SLC35D2: variants seen among roughly 807,000 people sequenced by gnomAD.
SLC35D2 encodes nucleotide sugar transporter SLC35D2.
Under a neutral mutation model 41.8 loss-of-function variants are expected in SLC35D2, and 43 were observed. That is an observed-to-expected ratio of 1.03 (90% CI 0.81 to 1.33). SLC35D2 has a LOEUF of 1.33. SLC35D2 is among the 40% of genes most tolerant of loss of function. The pLI is 0.00. For missense variants in SLC35D2, 380 were observed against 408.4 expected, an observed-to-expected ratio of 0.93 and a Z score of 0.60; for synonymous variants, 150 against 163.9, an observed-to-expected ratio of 0.92 and a Z score of 0.65.
At chr9:96,322,367 TA>T (rs895286575) in intron 10 of SLC35D2, among the ~76,000 whole-genome samples, 22 of 151,940 alleles carry the variant, frequency 1.4e-4, no homozygotes, top group African/African-American at 5.3e-4. Context: ...AAAAATTTTT[TA>T]AAAGTAGCCG....
At chr9:96,316,086 A>G (rs764226940), downstream of SLC35D2, among the ~76,000 whole-genome samples, 4 of 152,220 alleles carry the variant, frequency 2.6e-5, no homozygotes, top group Non-Finnish European at 4.4e-5. Flanking sequence ...ATTCAAATGG[A>G]AAGAAATGCT....
chr9:96,355,646 A>G (rs569391125), intron 4 of SLC35D2, among the ~76,000 whole-genome samples: 1 of 151,890 alleles, frequency 6.6e-6, no homozygotes, highest in African/African-American at 2.4e-5. Context: ...ACAGGTATCC[A>G]CCAACACACC....
Position 96,336,050 on chromosome 9 carries a change from C to CAA in SLC35D2, c.752+665_752+666dup, listed in dbSNP as rs56681611. Among the ~76,000 whole-genome samples, 85 of 110,188 alleles carry CAA rather than the reference C, an allele frequency of 7.7e-4. 1 individual carries two copies. Among genetic ancestry groups the CAA allele is most frequent in the Admixed American group, 2.8e-3 (29 of 10,406 alleles). The allele number at this position is 110,188 out of a possible 152,430, so 72.3% of individuals were successfully genotyped here. ...GGGCAACAAAGCAAGACTCCATCTT[C>CAA]AAAAAAAAAAAAAAAGAAAGAAAGA... On this transcript the variant is annotated intron_variant, in intron 9 of 11. Coordinates refer to ENST00000253270, the MANE Select transcript of SLC35D2 (RefSeq NM_007001.3).
intron 8 of SLC35D2, among the ~76,000 whole-genome samples, chr9:96,340,164 A>C (rs1309228309): frequency 1.3e-5 from 2 of 152,230 alleles, no homozygotes; most frequent in Admixed American, 1.3e-4. Flanking sequence ...AATGGGAAGA[A>C]ATTTGCCCTG....
At chr9:96,341,910 T>C (rs886993380) in intron 8 of SLC35D2, among the ~76,000 whole-genome samples, 13 of 150,178 alleles carry the variant, frequency 8.7e-5, no homozygotes, top group African/African-American at 3.2e-4. Flanking sequence ...TTTAACAATA[T>C]TTAGGAGTTT....
chr9:96,338,503 C>T (rs1829156516), intron 8 of SLC35D2, among the ~76,000 whole-genome samples: 1 of 147,462 alleles, frequency 6.8e-6, no homozygotes, highest in Non-Finnish European at 1.5e-5. Context: ...CTGCAGTGAG[C>T]TGTGATGGTA....
chr9:96,317,966 T>A (rs1210853959), downstream of SLC35D2, among the ~76,000 whole-genome samples: 1 of 150,248 alleles, frequency 6.7e-6, no homozygotes, highest in Non-Finnish European at 1.5e-5. Flanking sequence ...AACCTAGGAG[T>A]TCGAGATTGT....
intron 1 of SLC35D2, among the ~76,000 whole-genome samples, chr9:96,369,270 A>G (rs532240589): frequency 2.0e-5 from 3 of 152,200 alleles, no homozygotes; most frequent in East Asian, 1.9e-4. Flanking sequence ...AAAAAATTAT[A>G]TATCAATATT....
downstream of SLC35D2, among the ~76,000 whole-genome samples, chr9:96,319,691 GT>G (rs1365823436): frequency 1.3e-5 from 2 of 151,974 alleles, no homozygotes; most frequent in Non-Finnish European, 2.9e-5. Flanking sequence ...TAGAGATGAT[GT>G]TTCGGCCATG....
intron 4 of SLC35D2, among the ~76,000 whole-genome samples, chr9:96,357,117 G>A (rs1830058769): frequency 6.6e-6 from 1 of 152,184 alleles, no homozygotes. Flanking sequence ...GGTGGAGGTT[G>A]CGGTGAGCCG....
At chr9:96,350,537 C>T (rs535585516) in intron 6 of SLC35D2, among the ~76,000 whole-genome samples, 2 of 152,048 alleles carry the variant, frequency 1.3e-5, no homozygotes, top group East Asian at 3.9e-4. Context: ...TTCACATGCA[C>T]TATCCACCAT....
At chr9:96,360,103 T>G (rs763446467) in intron 4 of SLC35D2, 51 bp downstream of exon 4, 3 of 1,361,464 alleles carry the variant, frequency 2.2e-6, no homozygotes, top group Non-Finnish European at 3.1e-6. Context: ...TTTGTACCAC[T>G]GGCAGCACAG....
intron 2 of SLC35D2, among the ~76,000 whole-genome samples, chr9:96,367,021 C>A (rs1186319027): frequency 1.3e-5 from 2 of 150,148 alleles, no homozygotes; most frequent in East Asian, 4.1e-4. Flanking sequence ...GAGCTGGAGA[C>A]CAACCTGGCC....
intron 1 of SLC35D2, among the ~76,000 whole-genome samples, chr9:96,378,457 A>C (rs79086887): frequency 9.9e-5 from 15 of 151,988 alleles, no homozygotes; most frequent in African/African-American, 2.9e-4. Flanking sequence ...ACAAAAAAAA[A>C]CCTCAAAGCC....
downstream of SLC35D2, among the ~76,000 whole-genome samples, chr9:96,317,010 C>T (rs1307424607): frequency 2.6e-5 from 4 of 151,066 alleles, no homozygotes; most frequent in East Asian, 2.0e-4. Context: ...TAGTGGCGGG[C>T]GCCTGTAGTC....
Position 96,321,257 on chromosome 9 carries a change from C to A in SLC35D2, c.999G>T (p.Leu333Phe). 6.2e-7 allele frequency: 1 copy of A among 1,613,510 alleles called. No individual in the cohort carries two copies. The highest frequency in any genetic ancestry group is 1.3e-5 in the African/African-American group (1 of 75,014). Residue 333 changes from leucine (L) to phenylalanine (F), a missense_variant, in exon 12 of 12, where the codon TTG becomes TTT. Coordinates refer to ENST00000253270, the MANE Select transcript of SLC35D2 (RefSeq NM_007001.3). ...TGCAGACTCTTTAGCTCTTCAAATC[C>A]AAACAGATGTTTTCTTCACCCACAG... is the stretch of plus-strand genomic sequence containing the variant. ...PKPVGEENIC[L>F]DLKS
At chr9:96,323,440 C>T (rs1429237712) in intron 10 of SLC35D2, among the ~76,000 whole-genome samples, 1 of 152,124 alleles carries the variant, frequency 6.6e-6, no homozygotes, top group Non-Finnish European at 1.5e-5. Flanking sequence ...GGCAGGTTCT[C>T]CCAGAAAACC....
At position 96,383,510 on chromosome 9, in the gene SLC35D2, A is replaced by T; in HGVS notation, c.125T>A (p.Val42Glu). The change falls in exon 1 of 12, where the codon GTG becomes GAG. Residue 42 changes from valine (V) to glutamate (E), a missense_variant. Coordinates refer to ENST00000253270, the MANE Select transcript of SLC35D2 (RefSeq NM_007001.3). ...GGTCAGCAGCGCCTTGTTGACAAGC[A>T]CGATGAGGAAGGAGCAGGTCCCGTA... ...LFYGTCSFLI[V>E]LVNKALLTTY... 2 of 1,536,870 alleles carry T rather than the reference A, an allele frequency of 1.3e-6. No individual in the cohort carries two copies. The highest frequency in any genetic ancestry group is 2.4e-5 in the South Asian group (2 of 83,680).
chr9:96,364,242 C>G (rs570599074), intron 3 of SLC35D2, among the ~76,000 whole-genome samples: 2 of 151,938 alleles, frequency 1.3e-5, no homozygotes, highest in East Asian at 3.9e-4. Context: ...GGCTGAGGCA[C>G]GAGAATCACT....
Sources: allele counts gnomAD v4.1 joint callset (sites outside exome capture counted in the v4.1 genomes callset), GRCh38; gene constraint gnomAD v4.1.1; transcripts MANE v1.5; gene names NCBI Gene and HGNC (gene_info 2026-07-23, HGNC 2026-07-21).